The following RNF24 variants were observed in gnomAD, a reference collection of about 807,000 sequenced individuals.
RNF24 encodes the protein ring finger protein 24.
RNF24 carries 14 observed loss-of-function variants against 20.0 expected under a neutral mutation model. That is an observed-to-expected ratio of 0.70 (90% CI 0.46 to 1.10). RNF24 has a LOEUF of 1.10. Among genes scored for constraint, RNF24 ranks in the 50% least tolerant of loss-of-function variants. The pLI is 0.00. For synonymous variants in RNF24, 45 were observed against 61.1 expected (o/e 0.74, Z 1.23); for missense variants, 124 against 177.6 (o/e 0.70, Z 1.71).
intron 1 of RNF24, among the ~76,000 whole-genome samples, chr20:3,991,946 A>G (rs1399213079): frequency 2.4e-5 from 3 of 124,752 alleles, no homozygotes; most frequent in Non-Finnish European, 3.9e-5. Context: ...ACACGCACAC[A>G]CACACACACA....
chr20:3,985,065 C>T (rs988019053), intron 1 of RNF24, among the ~76,000 whole-genome samples: 9 of 152,128 alleles, frequency 5.9e-5, no homozygotes, highest in African/African-American at 2.2e-4. Flanking sequence ...CAACAACAAC[C>T]ACCTAGGTTT....
In RNF24 at chr20:3,931,285, A is replaced by G. The variant is rs915165186; in HGVS notation, c.*2778T>C. ...GACCAGAATCCCCACGCAGCTACACAGTAACAAGTCCCAGCAACTCCTGAA... is the reference window on the plus strand; with the variant it reads ...GACCAGAATCCCCACGCAGCTACACGGTAACAAGTCCCAGCAACTCCTGAA... On this transcript the variant is annotated 3_prime_UTR_variant, in exon 6 of 6. Coordinates refer to ENST00000358395, the MANE Select transcript of RNF24 (RefSeq NM_001134337.3). 6.6e-6 allele frequency: 1 copy of G among 152,352 alleles called. No homozygotes were observed. The highest frequency in any genetic ancestry group is 2.4e-5 in the African/African-American group (1 of 41,582). The allele number at this position is 152,352 out of a possible 1,614,324, so 9.4% of individuals were successfully genotyped here. A position where few individuals can be genotyped will look rare whatever the true frequency, so the allele number is the denominator to read the frequency against.
At chr20:4,007,973 T>G (rs989278500) in intron 1 of RNF24, among the ~76,000 whole-genome samples, 1 of 150,874 alleles carries the variant, frequency 6.6e-6, no homozygotes, top group Non-Finnish European at 1.5e-5. Flanking sequence ...AATCATCATA[T>G]TGATAGCCCA....
At chr20:3,997,070 A>C (rs1318768776) in intron 1 of RNF24, among the ~76,000 whole-genome samples, 3 of 151,042 alleles carry the variant, frequency 2.0e-5, no homozygotes, top group Non-Finnish European at 4.4e-5. Context: ...AAAAAAAAAT[A>C]CAAAAATTAG....
chr20:4,013,602 C>T (rs779123434), intron 1 of RNF24, among the ~76,000 whole-genome samples: 3 of 151,572 alleles, frequency 2.0e-5, no homozygotes, highest in Non-Finnish European at 4.4e-5. Context: ...CTGCCTCAGC[C>T]TCCCGAGTAG....
At chr20:4,003,956 T>C (rs532938836) in intron 1 of RNF24, among the ~76,000 whole-genome samples, 1 of 152,162 alleles carries the variant, frequency 6.6e-6, no homozygotes, top group Non-Finnish European at 1.5e-5. Context: ...GAAACTCTTA[T>C]AATATAGCAT....
At chr20:3,938,470 G>A (rs1187553131) in intron 4 of RNF24, among the ~76,000 whole-genome samples, 1 of 152,094 alleles carries the variant, frequency 6.6e-6, no homozygotes, top group Non-Finnish European at 1.5e-5. Flanking sequence ...CACAACCAAA[G>A]CACAACCTAA....
At chr20:3,978,540 T>G (rs550279790) in intron 1 of RNF24, among the ~76,000 whole-genome samples, 1 of 152,118 alleles carries the variant, frequency 6.6e-6, no homozygotes, top group Non-Finnish European at 1.5e-5. Flanking sequence ...CAAAAAAGAC[T>G]CTAAAATTAT....
intron 1 of RNF24, among the ~76,000 whole-genome samples, chr20:3,988,236 G>T (rs1002183445): frequency 6.6e-6 from 1 of 151,874 alleles, no homozygotes; most frequent in African/African-American, 2.4e-5. Flanking sequence ...AGGTGAGAAG[G>T]TTGCTTGAGC....
At chr20:4,000,465 C>CA (rs1221632757) in intron 1 of RNF24, among the ~76,000 whole-genome samples, 1 of 152,014 alleles carries the variant, frequency 6.6e-6, no homozygotes, top group African/African-American at 2.4e-5. Context: ...GTGGAGGCTG[C>CA]AGTGAGCTGA....
At chr20:3,969,778 T>G (rs1440143496) in intron 1 of RNF24, among the ~76,000 whole-genome samples, 1 of 150,806 alleles carries the variant, frequency 6.6e-6, no homozygotes, top group Admixed American at 6.6e-5. Context: ...AATCTGTTTT[T>G]TTTTTTTTTT....
intron 1 of RNF24, among the ~76,000 whole-genome samples, chr20:4,010,157 G>A (rs1398200055): frequency 6.6e-6 from 1 of 152,006 alleles, no homozygotes; most frequent in Admixed American, 6.5e-5. Flanking sequence ...GGCAGATCAC[G>A]AGGTCAGGAT....
intron 1 of RNF24, among the ~76,000 whole-genome samples, chr20:4,010,202 G>A (rs761341023): frequency 2.7e-4 from 41 of 151,846 alleles, no homozygotes; most frequent in Admixed American, 7.2e-4. Context: ...GTGAAACCCC[G>A]TCTCCACCAG....
chr20:3,935,938 A>ATTCCTTC (rs1555793955), intron 4 of RNF24, among the ~76,000 whole-genome samples: 146 of 76,320 alleles, frequency 1.9e-3, no homozygotes, highest in Non-Finnish European at 3.2e-3. Flanking sequence ...CAGTGGTTGA[A>ATTCCTTC]CTCCTTTCTC....
At position 3,972,979 on chromosome 20, in the gene RNF24, G is replaced by A. The variant is rs572210476; in HGVS notation, c.-7-8955C>T. Among the ~76,000 whole-genome samples, 4 of 151,996 alleles carry A rather than the reference G, an allele frequency of 2.6e-5. No homozygotes were observed. In the South Asian group the frequency reaches 8.3e-4, roughly 32 times the overall value. ...GCACTTTGGGAGGCCGAGGCGGGTGGATCACATGAGGTTAGGAGTTTGAGA... is the reference window on the plus strand; with the variant it reads ...GCACTTTGGGAGGCCGAGGCGGGTGAATCACATGAGGTTAGGAGTTTGAGA... On this transcript the variant is annotated intron_variant, in intron 1 of 5. Transcript: ENST00000358395.
At chr20:4,000,997 T>C (rs1981340373) in intron 1 of RNF24, among the ~76,000 whole-genome samples, 1 of 152,186 alleles carries the variant, frequency 6.6e-6, no homozygotes, top group Non-Finnish European at 1.5e-5. Flanking sequence ...CCAGGCGCAG[T>C]GGCTCATGCC....
chr20:3,943,979 G>A (rs1254173659), intron 4 of RNF24, among the ~76,000 whole-genome samples: 2 of 152,168 alleles, frequency 1.3e-5, no homozygotes, highest in Non-Finnish European at 2.9e-5. Context: ...GGAGGCCGAG[G>A]TGGGTGGATT....
chr20:4,011,507 G>T (rs1982459161), intron 1 of RNF24, among the ~76,000 whole-genome samples: 1 of 152,214 alleles, frequency 6.6e-6, no homozygotes, highest in Non-Finnish European at 1.5e-5. Flanking sequence ...AACAATTCCA[G>T]ACTGGAGTAG....
intron 3 of RNF24, among the ~76,000 whole-genome samples, 188 bp downstream of exon 3, chr20:3,948,046 CAAA>C (rs368947234): frequency 2.2e-5 from 2 of 92,302 alleles, no homozygotes; most frequent in Non-Finnish European, 2.3e-5. Flanking sequence ...AACTCCGTCT[CAAA>C]AAAAAAAAAA....
Sources: gnomAD v4.1 joint callset for allele counts (sites outside exome capture counted in the v4.1 genomes callset) on GRCh38, gnomAD v4.1.1 for gene constraint, MANE v1.5 for transcripts, NCBI Gene and HGNC (gene_info 2026-07-23, HGNC 2026-07-21) for gene names.